ZFAT: variants seen among roughly 807,000 people sequenced by gnomAD.
ZFAT encodes the protein zinc finger protein ZFAT.
A neutral mutation model predicts 117.7 loss-of-function variants in ZFAT; 64 were observed. The ratio of observed to expected loss-of-function variants is 0.54; its 90% confidence interval spans 0.44 to 0.67. The LOEUF is 0.67. Ranked by LOEUF, ZFAT falls within the 30% of genes least tolerant of loss-of-function variation. The pLI, the probability that ZFAT is intolerant of heterozygous loss-of-function variation, is 0.00. For missense variants in ZFAT, 1,433 were observed against 1,584.5 expected, an observed-to-expected ratio of 0.90 and a Z score of 1.62; for synonymous variants, 679 against 615.0, an observed-to-expected ratio of 1.10 and a Z score of -1.54.
chr8:134,582,176 G>C (rs891373735), intron 10 of ZFAT, among the ~76,000 whole-genome samples: 1 of 152,178 alleles, frequency 6.6e-6, no homozygotes, highest in Admixed American at 6.5e-5. Context: ...CTGTGGACCC[G>C]TGATACCACC....
At chr8:134,662,663 AC>A (rs1192543536) in intron 1 of ZFAT, among the ~76,000 whole-genome samples, 15 of 152,358 alleles carry the variant, frequency 9.8e-5, no homozygotes, top group African/African-American at 3.6e-4. Context: ...GCTACACTGG[AC>A]AAATGACTTT....
chr8:134,631,800 G>A (rs1444352279), intron 3 of ZFAT, among the ~76,000 whole-genome samples: 1 of 152,246 alleles, frequency 6.6e-6, no homozygotes, highest in Non-Finnish European at 1.5e-5. Flanking sequence ...TACTGCGCTA[G>A]AGTTGTGTAG....
intron 1 of ZFAT, among the ~76,000 whole-genome samples, chr8:134,669,698 C>T (rs540691026): frequency 8.5e-5 from 13 of 152,230 alleles, no homozygotes; most frequent in East Asian, 1.9e-4. Context: ...CATCAACTAA[C>T]GAGCAAAATA....
intron 13 of ZFAT, among the ~76,000 whole-genome samples, chr8:134,514,427 T>G (rs913633850): frequency 6.6e-6 from 1 of 152,216 alleles, no homozygotes; most frequent in Non-Finnish European, 1.5e-5. Flanking sequence ...GGTGACTAAT[T>G]GTTTTTGCAT....
intron 15 of ZFAT, among the ~76,000 whole-genome samples, chr8:134,502,371 T>C (rs928002067): frequency 6.6e-6 from 1 of 152,198 alleles, no homozygotes; most frequent in Non-Finnish European, 1.5e-5. Flanking sequence ...ACACGACAGA[T>C]TGGACATGCA....
intron 1 of ZFAT, among the ~76,000 whole-genome samples, chr8:134,670,394 C>A (rs1286184374): frequency 6.6e-6 from 1 of 152,242 alleles, no homozygotes. Flanking sequence ...GAAATTATAA[C>A]AAACTGTCTC....
chr8:134,705,862 A>G (rs1317068999), intron 1 of ZFAT, among the ~76,000 whole-genome samples: 3 of 152,070 alleles, frequency 2.0e-5, no homozygotes, highest in African/African-American at 7.2e-5. Context: ...TAGCCCAAAG[A>G]CTTGAATAGA....
chr8:134,705,376 T>TC, intron 1 of ZFAT, among the ~76,000 whole-genome samples: 1 of 37,990 alleles, frequency 2.6e-5, no homozygotes, highest in Admixed American at 3.2e-4. Context: ...GGTTTTTTTT[T>TC]GTTTTTTTTT....
chr8:134,714,120 C>CCCA (rs1491569395), upstream of ZFAT, among the ~76,000 whole-genome samples: 4 of 64,642 alleles, frequency 6.2e-5, no homozygotes, highest in African/African-American at 1.9e-4. Context: ...CCCCCCCCCC[C>CCCA]AAAAAAAAAA....
chr8:134,695,231 C>G (rs1278726699), intron 1 of ZFAT, among the ~76,000 whole-genome samples: 1 of 151,996 alleles, frequency 6.6e-6, no homozygotes, highest in Non-Finnish European at 1.5e-5. Context: ...AAGGCCCTCG[C>G]AGACGCTCTG....
chr8:134,520,875 A>C lies in ZFAT; in HGVS notation c.3234+8T>G, dbSNP rs1236706805. The C allele has an allele frequency of 6.2e-7, 1 of 1,611,520 alleles. No homozygotes were observed. Among genetic ancestry groups the C allele is most frequent in the Non-Finnish European group, 8.5e-7 (1 of 1,178,188 alleles). On this transcript the variant is annotated splice_region_variant and intron_variant, in intron 13 of 15. Coordinates refer to ENST00000377838, the MANE Select transcript of ZFAT (RefSeq NM_020863.4). Reference sequence around the variant, plus strand: ...TGTCAAGATTAATACCATACTTAAAAAAATTACCTCCCACTTGGGGTCTCC... The same window carrying C: ...TGTCAAGATTAATACCATACTTAAACAAATTACCTCCCACTTGGGGTCTCC...
At chr8:134,652,773 C>A (rs1831323124) in intron 2 of ZFAT, among the ~76,000 whole-genome samples, 2 of 152,146 alleles carry the variant, frequency 1.3e-5, no homozygotes, top group South Asian at 4.2e-4. Context: ...AGATAATATC[C>A]TTGGGTTGAT....
chr8:134,670,952 C>T (rs1464106553), intron 1 of ZFAT, among the ~76,000 whole-genome samples: 7 of 152,056 alleles, frequency 4.6e-5, no homozygotes, highest in Admixed American at 1.3e-4. Context: ...ATACAAACTA[C>T]CATCAGAGAA....
chr8:134,593,853 G>A (rs1156334750), intron 7 of ZFAT, among the ~76,000 whole-genome samples: 11 of 152,182 alleles, frequency 7.2e-5, no homozygotes, highest in Non-Finnish European at 1.3e-4. Context: ...TGTGTCAGGC[G>A]CTGCAATGAG....
chr8:134,777,447 A>C, the ZFAT span, among the ~76,000 whole-genome samples: 3 of 152,096 alleles, frequency 2.0e-5, no homozygotes, highest in Non-Finnish European at 4.4e-5. Flanking sequence ...TAACTAAGTC[A>C]CACGTACCTT....
At chr8:134,497,230 T>C (rs1445749310) in intron 15 of ZFAT, among the ~76,000 whole-genome samples, 2 of 152,230 alleles carry the variant, frequency 1.3e-5, no homozygotes, top group African/African-American at 4.8e-5. Context: ...GATTTTAAAG[T>C]AAGGGTTGCT....
chr8:134,821,546 G>A, the ZFAT span, among the ~76,000 whole-genome samples: 3 of 145,824 alleles, frequency 2.1e-5, no homozygotes, highest in Non-Finnish European at 4.6e-5. Flanking sequence ...CATGCATGCG[G>A]TTTAAAAAAA....
the ZFAT span, among the ~76,000 whole-genome samples, chr8:134,761,898 C>G: frequency 2.6e-5 from 4 of 151,986 alleles, no homozygotes; most frequent in Non-Finnish European, 5.9e-5. Context: ...ATTCAAGGTT[C>G]ATATTAGGGC....
the ZFAT span, among the ~76,000 whole-genome samples, chr8:134,810,850 C>A: frequency 6.6e-6 from 1 of 152,172 alleles, no homozygotes; most frequent in Non-Finnish European, 1.5e-5. Flanking sequence ...AAGTCTGTAT[C>A]TGAATAGTCT....
Sources: gnomAD v4.1 joint callset for allele counts (sites outside exome capture counted in the v4.1 genomes callset) on GRCh38, gnomAD v4.1.1 for gene constraint, MANE v1.5 for transcripts, NCBI Gene and HGNC (gene_info 2026-07-23, HGNC 2026-07-21) for gene names.